WASL: variants seen among roughly 807,000 people sequenced by gnomAD.
WASL encodes the protein WASP like actin nucleation promoting factor.
A neutral mutation model predicts 55.5 loss-of-function variants in WASL; 20 were observed. The observed-to-expected ratio is 0.36, with a 90% confidence interval of 0.25 to 0.52. WASL has a LOEUF of 0.52. WASL is among the 20% of genes least tolerant of loss of function. The pLI is 0.92. For synonymous variants in WASL, 249 were observed against 217.6 expected (o/e 1.14, Z -1.27); for missense variants, 504 against 622.5 (o/e 0.81, Z 2.03).
At chr7:123,714,245 G>GT (rs1219305114) in intron 1 of WASL, among the ~76,000 whole-genome samples, 1 of 152,098 alleles carries the variant, frequency 6.6e-6, no homozygotes, top group African/African-American at 2.4e-5. Flanking sequence ...CCTGAGAGTG[G>GT]TGAGTATCAG....
intron 5 of WASL, among the ~76,000 whole-genome samples, chr7:123,703,519 T>A (rs1803622584): frequency 6.6e-6 from 1 of 152,288 alleles, no homozygotes; most frequent in African/African-American, 2.4e-5. Context: ...AGTATTAATA[T>A]TTCTATTCAA....
At chr7:123,704,991 G>A (rs1330996117) in intron 4 of WASL, among the ~76,000 whole-genome samples, 2 of 152,174 alleles carry the variant, frequency 1.3e-5, no homozygotes, top group Admixed American at 1.3e-4. Context: ...GATTTTATGT[G>A]TATATGATAG....
intron 7 of WASL, 94 bp downstream of exon 7, chr7:123,695,729 C>T (rs531612556): frequency 4.2e-5 from 55 of 1,297,318 alleles, no homozygotes; most frequent in Non-Finnish European, 5.8e-5. Context: ...CAAACAGATA[C>T]TAGAAACCAC....
Position 123,704,533 on chromosome 7 carries a change from T to C in WASL, c.460+101A>G, listed in dbSNP as rs1409285950. On this transcript the variant is annotated intron_variant, in intron 5 of 10. Transcript: ENST00000223023. ...GTACATGTTTCCACAAGGATTAACATGTAAAAGATACTAAATATTACTAAT... is the reference window on the plus strand; with the variant it reads ...GTACATGTTTCCACAAGGATTAACACGTAAAAGATACTAAATATTACTAAT... 7.5e-6 allele frequency: 7 copies of C among 931,910 alleles called. No individual in the cohort carries two copies. The Admixed American group carries it at 1.6e-4, about 21-fold the overall frequency. The allele number at this position is 931,910 out of a possible 1,614,324, so 57.7% of individuals were successfully genotyped here. A position where few individuals can be genotyped will look rare whatever the true frequency, so the allele number is the denominator to read the frequency against.
chr7:123,747,317 CGTTTTGAGCCACTCCTCTT>C (rs1268554753), intron 1 of WASL, among the ~76,000 whole-genome samples: 1 of 152,076 alleles, frequency 6.6e-6, no homozygotes, highest in African/African-American at 2.4e-5. Flanking sequence ...CCAAAATTCT[CGTTTTGAGCCACTCCTCTT>C]GTTTCATCCT....
intron 1 of WASL, among the ~76,000 whole-genome samples, chr7:123,727,029 TG>T (rs1343077558): frequency 6.6e-6 from 1 of 151,958 alleles, no homozygotes; most frequent in African/African-American, 2.4e-5. Flanking sequence ...AGACCTGAAG[TG>T]CTACACAAAA....
In WASL at chr7:123,748,749, G is replaced by C. The variant is rs754003266; in HGVS notation, c.-15C>G. The C allele has an allele frequency of 1.9e-6, 3 of 1,566,292 alleles. No homozygotes were observed. The African/African-American group carries it at 4.1e-5, about 22-fold the overall frequency. On this transcript the variant is annotated 5_prime_UTR_variant, in exon 1 of 11. Transcript: ENST00000223023. ...ACGGAGCTCATGGTTTCGCCGGCGG[G>C]GTTGGGAGTCCAGGGCCGTCTCCTC...
chr7:123,685,980 A>G (rs2116761887), intron 10 of WASL, among the ~76,000 whole-genome samples: 1 of 149,910 alleles, frequency 6.7e-6, no homozygotes, highest in Non-Finnish European at 1.5e-5. Flanking sequence ...ATAAAAAGCC[A>G]GTAAGACTAG....
chr7:123,692,254 A>G (rs944897795), intron 9 of WASL, 93 bp downstream of exon 9: 3 of 1,461,256 alleles, frequency 2.1e-6, no homozygotes, highest in Admixed American at 2.5e-5. Flanking sequence ...AGAGGAAAAA[A>G]GAATACACTT....
chr7:123,695,890 T>A (rs776450429), intron 6 of WASL, 25 bp from the exon 7 acceptor site: 4 of 1,608,432 alleles, frequency 2.5e-6, no homozygotes, highest in East Asian at 2.2e-5. Context: ...AGAAAAAAAA[T>A]AGAAAAACAA....
rs897344924 is a variant in WASL, at chr7:123,683,462, C to T, written c.*1057G>A. ...CTTTTAAGAAAAATGTAACTCTTCA[C>T]ATGCTATTTGACAAAAACCCTCAAA... On this transcript the variant is annotated 3_prime_UTR_variant, in exon 11 of 11. Transcript: ENST00000223023. 2 of 151,898 alleles carry T rather than the reference C, an allele frequency of 1.3e-5. No individual in the cohort carries two copies. The highest frequency in any genetic ancestry group is 4.8e-5 in the African/African-American group (2 of 41,376). The allele number at this position is 151,898 out of a possible 1,614,324, so 9.4% of individuals were successfully genotyped here.
At chr7:123,710,785 G>T (rs530364552) in intron 1 of WASL, among the ~76,000 whole-genome samples, 2 of 152,258 alleles carry the variant, frequency 1.3e-5, no homozygotes, top group Non-Finnish European at 2.9e-5. Context: ...GGAGACTGAA[G>T]AATGTGGGAC....
At chr7:123,738,474 CTA>C (rs1804275443) in intron 1 of WASL, among the ~76,000 whole-genome samples, 2 of 152,314 alleles carry the variant, frequency 1.3e-5, no homozygotes, top group East Asian at 1.9e-4. Flanking sequence ...ATAATCAACA[CTA>C]GAGTCCAAAG....
intron 10 of WASL, among the ~76,000 whole-genome samples, chr7:123,688,550 T>C (rs929735049): frequency 2.6e-5 from 4 of 152,026 alleles, no homozygotes; most frequent in Non-Finnish European, 2.9e-5. Flanking sequence ...TTAGTAGAGA[T>C]GGAGTTTCTC....
chr7:123,739,218 G>C (rs1475191004), intron 1 of WASL, among the ~76,000 whole-genome samples: 1 of 152,106 alleles, frequency 6.6e-6, no homozygotes, highest in Admixed American at 6.5e-5. Flanking sequence ...CTTAAGACTT[G>C]AAGTTCAAAG....
intron 5 of WASL, among the ~76,000 whole-genome samples, chr7:123,698,375 A>C (rs1464213172): frequency 6.6e-6 from 1 of 152,024 alleles, no homozygotes; most frequent in African/African-American, 2.4e-5. Context: ...GTTTATTTAC[A>C]TGGGTAAATT....
intron 10 of WASL, 37 bp downstream of exon 10, chr7:123,689,005 T>A: frequency 6.9e-7 from 1 of 1,440,292 alleles, no homozygotes; most frequent in South Asian, 1.2e-5. Flanking sequence ...ACACTCTCTC[T>A]GTCTCTCTCT....
At chr7:123,734,983 T>A (rs1285612081) in intron 1 of WASL, among the ~76,000 whole-genome samples, 3 of 151,972 alleles carry the variant, frequency 2.0e-5, no homozygotes, top group Non-Finnish European at 4.4e-5. Context: ...TTTCATTTTT[T>A]AAAAAAATGC....
rs1024053978 is a variant in WASL at position 123,725,464 on chromosome 7, G to A, written c.118-16241C>T. ...ACATGTAATTTTACACAGAATTTAT[G>A]CCTCTGAAACCTATTTCTATTTTAA... On this transcript the variant is annotated intron_variant, in intron 1 of 10. Transcript: ENST00000223023. Among the ~76,000 whole-genome samples, 7 of 151,798 alleles carry A rather than the reference G, an allele frequency of 4.6e-5. No homozygotes were observed. In the South Asian group the frequency reaches 1.2e-3, roughly 27 times the overall value.
Sources: allele counts gnomAD v4.1 joint callset (sites outside exome capture counted in the v4.1 genomes callset), GRCh38; gene constraint gnomAD v4.1.1; transcripts MANE v1.5; gene names NCBI Gene and HGNC (gene_info 2026-07-23, HGNC 2026-07-21).